The following ROBO1 variants were observed in gnomAD, a reference collection of about 807,000 sequenced individuals.
ROBO1 encodes roundabout guidance receptor 1, also known as roundabout homolog 1.
In ROBO1, 149 loss-of-function variants were observed where a neutral mutation model predicts 195.9. That is an observed-to-expected ratio of 0.76 (90% CI 0.67 to 0.87). The LOEUF is 0.87. ROBO1 is among the 40% of genes least tolerant of loss of function. The probability of loss-of-function intolerance (pLI) is 0.00; values close to 1 mark genes in which losing one functional copy is unlikely to be tolerated. For synonymous variants in ROBO1, 816 were observed against 733.2 expected, an observed-to-expected ratio of 1.11 and a Z score of -1.82; for missense variants, 1,933 against 2,068.3, an observed-to-expected ratio of 0.93 and a Z score of 1.27.
intron 2 of ROBO1, among the ~76,000 whole-genome samples, chr3:79,149,905 A>T (rs75368550): frequency 1.6e-4 from 25 of 151,902 alleles, no homozygotes; most frequent in East Asian, 5.8e-4. Context: ...GCTCTGGCAC[A>T]TTTCAAAATG....
At chr3:78,760,922 T>C (rs1376732439) in intron 4 of ROBO1, among the ~76,000 whole-genome samples, 1 of 152,152 alleles carries the variant, frequency 6.6e-6, no homozygotes, top group Non-Finnish European at 1.5e-5. Flanking sequence ...TCTTTTTTTT[T>C]CTTCACCCAA....
intron 2 of ROBO1, among the ~76,000 whole-genome samples, chr3:79,568,638 C>G (rs893175098): frequency 1.3e-5 from 2 of 151,188 alleles, no homozygotes; most frequent in African/African-American, 4.9e-5. Context: ...TTTGTTCATG[C>G]TTGTCTGTCC....
chr3:79,148,016 C>A (rs1274120374), intron 2 of ROBO1, among the ~76,000 whole-genome samples: 1 of 151,882 alleles, frequency 6.6e-6, no homozygotes, highest in African/African-American at 2.4e-5. Context: ...ATGTTGGTCA[C>A]AGACATTTCA....
chr3:79,667,164 A>G (rs944190422), intron 1 of ROBO1, among the ~76,000 whole-genome samples: 3 of 151,908 alleles, frequency 2.0e-5, no homozygotes, highest in African/African-American at 7.2e-5. Flanking sequence ...TCAACATGCC[A>G]TAGAATGAAA....
intron 4 of ROBO1, among the ~76,000 whole-genome samples, chr3:78,806,814 T>A (rs1238210331): frequency 1.3e-5 from 2 of 151,386 alleles, no homozygotes; most frequent in Non-Finnish European, 1.5e-5. Flanking sequence ...TTAAATATCT[T>A]TTTTTTTTCC....
chr3:78,601,473 A>T (rs938167897), intron 29 of ROBO1, among the ~76,000 whole-genome samples: 4 of 152,178 alleles, frequency 2.6e-5, no homozygotes, highest in African/African-American at 9.7e-5. Context: ...CATGAGGATG[A>T]CTGTTTCTGC....
chr3:79,696,569 G>T (rs940132071), intron 1 of ROBO1, among the ~76,000 whole-genome samples: 4 of 150,926 alleles, frequency 2.7e-5, no homozygotes, highest in Non-Finnish European at 5.9e-5. Flanking sequence ...ATAGCATATG[G>T]ACTTTTGTAT....
chr3:79,023,030 T>C (rs2078132805), intron 3 of ROBO1, among the ~76,000 whole-genome samples: 1 of 151,958 alleles, frequency 6.6e-6, no homozygotes, highest in Admixed American at 6.6e-5. Flanking sequence ...TGAGTAGGAG[T>C]GAAATAGAGT....
chr3:78,616,055 CAG>C (rs1302614931), intron 27 of ROBO1, among the ~76,000 whole-genome samples: 7 of 152,132 alleles, frequency 4.6e-5, no homozygotes, highest in African/African-American at 1.7e-4. Context: ...TCCATGAAAA[CAG>C]AGAATTAGGG....
chr3:79,348,685 A>G (rs1286389536), intron 2 of ROBO1, among the ~76,000 whole-genome samples: 1 of 152,218 alleles, frequency 6.6e-6, no homozygotes, highest in African/African-American at 2.4e-5. Context: ...CATATGGCTG[A>G]TGCTGCATAG....
intron 3 of ROBO1, among the ~76,000 whole-genome samples, chr3:79,110,954 A>T (rs181165628): frequency 2.0e-5 from 3 of 152,218 alleles, no homozygotes; most frequent in Admixed American, 2.0e-4. Flanking sequence ...TTTGAAAATG[A>T]GACATTGGCA....
chr3:78,834,928 G>C (rs2032572150), intron 4 of ROBO1, among the ~76,000 whole-genome samples: 1 of 152,032 alleles, frequency 6.6e-6, no homozygotes, highest in East Asian at 1.9e-4. Context: ...GTAAACTTTT[G>C]CTTATATAAT....
chr3:78,980,671 A>C (rs2076972087), intron 3 of ROBO1, among the ~76,000 whole-genome samples: 1 of 152,152 alleles, frequency 6.6e-6, no homozygotes. Context: ...TCTTCAGTTA[A>C]AAACACCACC....
chr3:78,990,466 G>A (rs984949516), intron 3 of ROBO1, among the ~76,000 whole-genome samples: 2 of 152,058 alleles, frequency 1.3e-5, no homozygotes, highest in Non-Finnish European at 2.9e-5. Flanking sequence ...AGACAAGTTG[G>A]TAATATTACC....
chr3:79,228,719 A>T (rs1288841373), intron 2 of ROBO1, among the ~76,000 whole-genome samples: 2 of 152,170 alleles, frequency 1.3e-5, no homozygotes, highest in African/African-American at 4.8e-5. Flanking sequence ...CTCAGGCTAA[A>T]TATGGAGAGA....
At chr3:79,429,775 A>C (rs2038600744) in intron 2 of ROBO1, among the ~76,000 whole-genome samples, 3 of 152,160 alleles carry the variant, frequency 2.0e-5, no homozygotes, top group South Asian at 4.1e-4. Context: ...CTTCTTATTG[A>C]ATAATGCCCA....
intron 4 of ROBO1, among the ~76,000 whole-genome samples, chr3:78,865,592 C>T (rs11924366): frequency 0.39 from 58,868 of 151,120 alleles, 11,723 homozygotes; most frequent in South Asian, 0.53. Flanking sequence ...CTGCCTCAGC[C>T]TCCCGAGTAG....
intron 10 of ROBO1, among the ~76,000 whole-genome samples, chr3:78,671,148 C>T (rs1018205725): frequency 3.3e-5 from 5 of 151,988 alleles, no homozygotes; most frequent in African/African-American, 1.2e-4. Context: ...CCTATGATTA[C>T]ATGAAAAAAA....
intron 2 of ROBO1, among the ~76,000 whole-genome samples, chr3:79,360,216 T>G (rs986976794): frequency 1.3e-5 from 2 of 152,050 alleles, no homozygotes; most frequent in Non-Finnish European, 2.9e-5. Flanking sequence ...CTTAGTGATA[T>G]CAGAATGTAA....
Sources: gnomAD v4.1 joint callset for allele counts (sites outside exome capture counted in the v4.1 genomes callset) on GRCh38, gnomAD v4.1.1 for gene constraint, MANE v1.5 for transcripts, NCBI Gene and HGNC (gene_info 2026-07-23, HGNC 2026-07-21) for gene names.